MTUS1: variants seen among roughly 807,000 people sequenced by gnomAD.
MTUS1 encodes microtubule associated scaffold protein 1, also known as microtubule-associated tumor suppressor 1.
Under a neutral mutation model 120.8 loss-of-function variants are expected in MTUS1, and 109 were observed. The observed-to-expected ratio is 0.90, with a 90% CI of 0.77 to 1.06. The LOEUF is 1.06. MTUS1 is among the 50% of genes least tolerant of loss of function. The pLI is 0.00. For synonymous variants in MTUS1, 737 were observed against 550.5 expected (o/e 1.34, Z -4.74); for missense variants, 2,210 against 1,486.3 (o/e 1.49, Z -8.01).
chr8:17,663,374 G>C (rs917943943), intron 8 of MTUS1, among the ~76,000 whole-genome samples: 1 of 152,168 alleles, frequency 6.6e-6, no homozygotes, highest in African/African-American at 2.4e-5. Flanking sequence ...GCCCGACATT[G>C]TTAATATTCT....
intron 6 of MTUS1, chr8:17,697,864 A>G: frequency 3.2e-6 from 1 of 313,426 alleles, no homozygotes; most frequent in Non-Finnish European, 4.6e-6. Flanking sequence ...GGATTTCCTG[A>G]AAGTAAACTG....
At chr8:17,721,678 T>G in intron 4 of MTUS1, 1 of 1,538,326 alleles carries the variant, frequency 6.5e-7, no homozygotes, top group Non-Finnish European at 8.7e-7. Context: ...TAAGCATGCT[T>G]ACAAAGAAAA....
chr8:17,740,406 G>A (rs541485574), intron 3 of MTUS1, among the ~76,000 whole-genome samples: 2 of 152,322 alleles, frequency 1.3e-5, no homozygotes, highest in African/African-American at 4.8e-5. Context: ...TTTCAGCAGA[G>A]TAACTGTGAG....
At chr8:17,790,518 C>G (rs1041890380) in intron 1 of MTUS1, among the ~76,000 whole-genome samples, 3 of 152,100 alleles carry the variant, frequency 2.0e-5, no homozygotes, top group African/African-American at 7.2e-5. Context: ...GCTATAAAGT[C>G]CTATGTAAGT....
chr8:17,714,071 G>A (rs1199757095), intron 5 of MTUS1, among the ~76,000 whole-genome samples: 3 of 152,098 alleles, frequency 2.0e-5, no homozygotes, highest in Non-Finnish European at 4.4e-5. Context: ...CTTCATTATT[G>A]CTGTGTGGAT....
chr8:17,700,700 T>C (rs1182347490), intron 6 of MTUS1, among the ~76,000 whole-genome samples: 2 of 151,054 alleles, frequency 1.3e-5, no homozygotes, highest in African/African-American at 4.9e-5. Flanking sequence ...ATTTTTTTTT[T>C]CAAAAATCAT....
chr8:17,708,118 T>A (rs924888845), intron 6 of MTUS1, among the ~76,000 whole-genome samples: 4 of 152,214 alleles, frequency 2.6e-5, no homozygotes, highest in African/African-American at 7.2e-5. Flanking sequence ...GTGGACCTTG[T>A]CAAAATTTAA....
intron 7 of MTUS1, among the ~76,000 whole-genome samples, chr8:17,680,874 C>G (rs1358126049): frequency 6.6e-6 from 1 of 152,074 alleles, no homozygotes. Context: ...CAAATTGACT[C>G]CCGGGCCTTC....
chr8:17,653,645 C>T (rs1481179455), intron 10 of MTUS1, 147 bp from the exon 11 acceptor site: 1 of 612,636 alleles, frequency 1.6e-6, no homozygotes, highest in Non-Finnish European at 2.7e-6. Flanking sequence ...TGTAAATTGG[C>T]CATCTGTTCT....
intron 1 of MTUS1, among the ~76,000 whole-genome samples, chr8:17,764,284 G>A (rs1005982800): frequency 2.6e-5 from 4 of 151,794 alleles, no homozygotes; most frequent in Admixed American, 6.6e-5. Flanking sequence ...GGTAGCTGGT[G>A]ACATCTGACC....
At chr8:17,779,440 A>G (rs1441922619) in intron 1 of MTUS1, among the ~76,000 whole-genome samples, 1 of 152,234 alleles carries the variant, frequency 6.6e-6, no homozygotes. Flanking sequence ...GAGGTTGCCT[A>G]TGGGTAAACT....
intron 1 of MTUS1, among the ~76,000 whole-genome samples, chr8:17,777,074 A>G (rs1408501741): frequency 6.6e-6 from 1 of 152,142 alleles, no homozygotes; most frequent in East Asian, 1.9e-4. Flanking sequence ...GAACTAGTGA[A>G]TTAGCCCTCG....
At chr8:17,728,009 T>C (rs763398397) in intron 3 of MTUS1, among the ~76,000 whole-genome samples, 1 of 152,054 alleles carries the variant, frequency 6.6e-6, no homozygotes, top group Non-Finnish European at 1.5e-5. Context: ...TTAACAACAA[T>C]AAAAATCAGT....
At chr8:17,654,142 C>A in intron 10 of MTUS1, 1 of 183,756 alleles carries the variant, frequency 5.4e-6, no homozygotes, top group Non-Finnish European at 1.1e-5. Context: ...CCACTGATGA[C>A]AGATGAAAAA....
At chr8:17,756,704 G>A (rs1279516755) in intron 1 of MTUS1, among the ~76,000 whole-genome samples, 1 of 127,946 alleles carries the variant, frequency 7.8e-6, no homozygotes, top group African/African-American at 2.9e-5. Flanking sequence ...GTTGGAGACA[G>A]AGCCTTTAAG....
chr8:17,676,467 A>T, intron 7 of MTUS1: 2 of 640,338 alleles, frequency 3.1e-6, no homozygotes, highest in South Asian at 1.7e-5. Flanking sequence ...CGGGCGTCTT[A>T]CTTCATGTCC....
At chr8:17,788,222 C>T (rs1329981823) in intron 1 of MTUS1, among the ~76,000 whole-genome samples, 1 of 152,166 alleles carries the variant, frequency 6.6e-6, no homozygotes, top group East Asian at 1.9e-4. Flanking sequence ...TAATTGCACA[C>T]TTAAGCCAGG....
rs1815282374 is a variant in MTUS1, at chr8:17,684,345, G to A, written c.2821C>T (p.Gln941Ter). The A allele has an allele frequency of 6.2e-7, 1 of 1,613,984 alleles. No individual in the cohort carries two copies. Among genetic ancestry groups the A allele is most frequent in the Non-Finnish European group, 8.5e-7 (1 of 1,179,838 alleles). ...CTCCTTACCTCAGACAGCAGGTGCTGAATCACAACTGTCAATGCCTCAAAC... is the reference window on the plus strand; with the variant it reads ...CTCCTTACCTCAGACAGCAGGTGCTAAATCACAACTGTCAATGCCTCAAAC... ...TKFEALTVVI[Q>*]HLLSEREEAL... The change falls in exon 7 of 15, where the codon CAG becomes TAG. Residue 941 changes from glutamine (Q) to a stop codon, truncating the protein, a stop_gained. Transcript: ENST00000693296. LOFTEE classifies it high-confidence loss of function.
intron 1 of MTUS1, among the ~76,000 whole-genome samples, chr8:17,765,133 G>C (rs558787682): frequency 1.4e-4 from 22 of 152,204 alleles, no homozygotes; most frequent in African/African-American, 5.1e-4. Flanking sequence ...GTTCACAATA[G>C]GGTTCACACT....
Sources: gnomAD v4.1 joint callset for allele counts (sites outside exome capture counted in the v4.1 genomes callset) on GRCh38, gnomAD v4.1.1 for gene constraint, MANE v1.5 for transcripts, NCBI Gene and HGNC (gene_info 2026-07-23, HGNC 2026-07-21) for gene names.